Variants in DYSF observed in about 807,000 individuals in gnomAD.
The protein encoded by DYSF is dystrophy-associated fer-1-like 1.
In DYSF, 212 loss-of-function variants were observed where a neutral mutation model predicts 274.9. That is an observed-to-expected ratio of 0.77 (90% CI 0.69 to 0.86). The LOEUF is 0.86. DYSF is among the 40% of genes least tolerant of loss of function. DYSF has a pLI of 0.00. For synonymous variants in DYSF, 1,091 were observed against 1,078.7 expected (o/e 1.01, Z -0.22); for missense variants, 2,666 against 2,783.2 (o/e 0.96, Z 0.95).
chr2:71,544,322 C>T (rs937807487), intron 17 of DYSF, among the ~76,000 whole-genome samples: 3 of 152,128 alleles, frequency 2.0e-5, no homozygotes, highest in Non-Finnish European at 4.4e-5. Flanking sequence ...GACAGGTTAA[C>T]GTGCCCAGTT....
chr2:71,534,970 C>A (rs2089158785), intron 14 of DYSF, 51 bp from the exon 15 acceptor site: 4 of 1,601,850 alleles, frequency 2.5e-6, no homozygotes, highest in Non-Finnish European at 3.4e-6. Flanking sequence ...CCGGGGGAGC[C>A]CAGAGTCCCC....
intron 51 of DYSF, among the ~76,000 whole-genome samples, 157 bp downstream of exon 51, chr2:71,669,903 C>T (rs559725580): frequency 6.6e-6 from 1 of 152,356 alleles, no homozygotes; most frequent in South Asian, 2.1e-4. Context: ...ACCACCTCCA[C>T]TGTCCCAGCA....
chr2:71,656,438 C>T (rs545216379), intron 43 of DYSF, 148 bp downstream of exon 43: 28 of 1,199,862 alleles, frequency 2.3e-5, no homozygotes, highest in African/African-American at 1.3e-4. Flanking sequence ...ATGGTGATGC[C>T]GCTGACGCAG....
At position 71,656,240 on chromosome 2, in the gene DYSF, G is replaced by A. The variant is rs1463145288; in HGVS notation, c.4705G>A (p.Gly1569Ser). 9 of 1,614,072 alleles carry A rather than the reference G, an allele frequency of 5.6e-6. No individual in the cohort carries two copies. Among genetic ancestry groups the A allele is most frequent in the African/African-American group, 1.3e-5 (1 of 74,908 alleles). ...DFCNTFKLYRGKTQEETEDPS... is the reference protein window; with the variant it reads ...DFCNTFKLYRSKTQEETEDPS... ...TTGTAACACCTTCAAGCTGTACCGG[G>A]GCAAGACGCAGGAGGAGACAGAAGA... The change falls in exon 43 of 56, where the codon GGC becomes AGC. Residue 1569 changes from glycine (G) to serine (S), a missense_variant. Physicochemically the swap from Gly to Ser is moderately conservative, Grantham distance 56 (BLOSUM62 0). Coordinates refer to ENST00000410020, the MANE Select transcript of DYSF (RefSeq NM_001130987.2).
intron 42 of DYSF, among the ~76,000 whole-genome samples, chr2:71,653,881 CATAAG>C (rs991915518): frequency 3.7e-5 from 1 of 26,708 alleles, no homozygotes; most frequent in African/African-American, 7.0e-5. Flanking sequence ...TAAATATAAA[CATAAG>C]ATAATCAAAC....
At chr2:71,622,602 ATTG>A (rs2094131151) in intron 41 of DYSF, among the ~76,000 whole-genome samples, 3 of 151,902 alleles carry the variant, frequency 2.0e-5, no homozygotes, top group Admixed American at 2.0e-4. Flanking sequence ...TGTGTCCTTT[ATTG>A]TTTGTTTGTT....
Position 71,611,556 on chromosome 2 carries a change from T to A in DYSF, c.4151T>A (p.Val1384Glu), listed in dbSNP as rs751082297. Residue 1384 changes from valine (V) to glutamate (E), a missense_variant, in exon 38 of 56, where the codon GTG becomes GAG. By Grantham distance (121) the Val-to-Glu change is moderately radical (BLOSUM62 -2). Coordinates refer to ENST00000410020, the MANE Select transcript of DYSF (RefSeq NM_001130987.2). ...GTGGTAGAGTGTGGGGGCCAGACGG[T>A]GCAGTCCTGTGTCATCAGGAACCTC... ...SLVVECGGQTVQSCVIRNLRK... is the reference protein window; with the variant it reads ...SLVVECGGQTEQSCVIRNLRK... 2 of 1,613,880 alleles carry A rather than the reference T, an allele frequency of 1.2e-6. No homozygotes were observed. Among genetic ancestry groups the A allele is most frequent in the East Asian group, 4.5e-5 (2 of 44,808 alleles).
At chr2:71,593,811 G>T (rs1156740424) in intron 32 of DYSF, among the ~76,000 whole-genome samples, 1 of 152,178 alleles carries the variant, frequency 6.6e-6, no homozygotes, top group Non-Finnish European at 1.5e-5. Flanking sequence ...AGGTCACCAC[G>T]TTCCATTCCA....
At chr2:71,587,767 C>T (rs751967379) in intron 30 of DYSF, among the ~76,000 whole-genome samples, 2 of 152,126 alleles carry the variant, frequency 1.3e-5, no homozygotes, top group African/African-American at 2.4e-5. Context: ...GTTTCAGAGC[C>T]CATGTTGAAG....
chr2:71,555,711 C>T (rs901764935), intron 21 of DYSF, among the ~76,000 whole-genome samples: 10 of 152,132 alleles, frequency 6.6e-5, no homozygotes, highest in Admixed American at 5.2e-4. Flanking sequence ...TCTGCAGACA[C>T]CCCCTGAGCT....
chr2:71,541,341 CT>C (rs2089909169), intron 17 of DYSF, among the ~76,000 whole-genome samples: 1 of 152,096 alleles, frequency 6.6e-6, no homozygotes, highest in Non-Finnish European at 1.5e-5. Flanking sequence ...TAGTTTGTCA[CT>C]TTTACTCTAG....
chr2:71,511,606 C>T (rs192829899), intron 4 of DYSF, among the ~76,000 whole-genome samples: 16 of 152,212 alleles, frequency 1.1e-4, no homozygotes, highest in East Asian at 3.9e-4. Context: ...AGTGGTGGAA[C>T]CTGACCCCGG....
At chr2:71,656,094 C>T in intron 42 of DYSF, 68 bp from the exon 43 acceptor site, 2 of 1,590,774 alleles carry the variant, frequency 1.3e-6, no homozygotes, top group South Asian at 1.1e-5. Context: ...CTCTTGTTTC[C>T]TTTCCTTTGC....
At chr2:71,678,712 T>C (rs1863811) in intron 52 of DYSF, among the ~76,000 whole-genome samples, 136,349 of 152,212 alleles carry the variant, frequency 0.9, 61,189 homozygotes, top group African/African-American at 0.92. Flanking sequence ...ATGATAAAAA[T>C]AATTAAAAAA....
intron 19 of DYSF, among the ~76,000 whole-genome samples, chr2:71,552,361 A>G (rs2091009322): frequency 6.6e-6 from 1 of 152,232 alleles, no homozygotes; most frequent in Non-Finnish European, 1.5e-5. Context: ...AGTTGTGGGA[A>G]TTAAGGAAAT....
chr2:71,556,298 C>T (rs750120504), intron 22 of DYSF, among the ~76,000 whole-genome samples: 1 of 152,226 alleles, frequency 6.6e-6, no homozygotes, highest in Non-Finnish European at 1.5e-5. Context: ...GCTGCGGGCC[C>T]GGCGGCCGGC....
chr2:71,481,285 C>T (rs561221799), intron 2 of DYSF, among the ~76,000 whole-genome samples: 1 of 152,344 alleles, frequency 6.6e-6, no homozygotes, highest in Non-Finnish European at 1.5e-5. Context: ...TCCCCACAGC[C>T]CTCCCTGATG....
intron 12 of DYSF, among the ~76,000 whole-genome samples, chr2:71,524,047 A>G (rs1465577381): frequency 6.6e-6 from 1 of 152,134 alleles, no homozygotes; most frequent in Non-Finnish European, 1.5e-5. Context: ...ACACCAGATG[A>G]TGTGACTCTT....
chr2:71,455,750 G>A (rs559724724), intron 1 of DYSF, among the ~76,000 whole-genome samples: 37 of 152,230 alleles, frequency 2.4e-4, no homozygotes, highest in African/African-American at 8.9e-4. Context: ...GAACCTGGGG[G>A]CTGGTGCTCC....
Sources: allele counts gnomAD v4.1 joint callset (sites outside exome capture counted in the v4.1 genomes callset), GRCh38; gene constraint gnomAD v4.1.1; transcripts MANE v1.5; gene names NCBI Gene and HGNC (gene_info 2026-07-23, HGNC 2026-07-21).